The following PTGER4 variants were observed in gnomAD, a reference collection of about 807,000 sequenced individuals.
PTGER4 encodes the protein prostaglandin E receptor 4, also known as prostaglandin E2 receptor EP4 subtype.
Under a neutral mutation model 33.2 loss-of-function variants are expected in PTGER4, and 11 were observed. The observed-to-expected ratio is 0.33, with a 90% CI of 0.21 to 0.55. PTGER4 has a LOEUF of 0.55. Among genes scored for constraint, PTGER4 ranks in the 20% least tolerant of loss-of-function variants. The pLI is 0.92. For missense variants in PTGER4, 481 were observed against 650.2 expected, an observed-to-expected ratio of 0.74 and a Z score of 2.83; for synonymous variants, 275 against 281.5, an observed-to-expected ratio of 0.98 and a Z score of 0.23.
At chr5:40,702,258 G>A in the PTGER4 span, among the ~76,000 whole-genome samples, 1 of 152,124 alleles carries the variant, frequency 6.6e-6, no homozygotes, top group Non-Finnish European at 1.5e-5. Context: ...AAGACCCAAT[G>A]GTATGCTGTC....
intron 2 of PTGER4, among the ~76,000 whole-genome samples, chr5:40,688,335 T>C (rs1291447485): frequency 2.6e-5 from 4 of 152,188 alleles, no homozygotes; most frequent in African/African-American, 9.6e-5. Context: ...CACTGCCACC[T>C]GGAGGCTTGA....
In PTGER4 at chr5:40,691,968, G is replaced by A. The variant is rs764000694; in HGVS notation, c.1057G>A (p.Gly353Arg). Residue 353 changes from glycine (G) to arginine (R), a missense_variant, in exon 3 of 3, where the codon GGG becomes AGG. This residue lies in a region of PTGER4 where 172 missense variants were observed against 199.2 expected (regional missense o/e 0.86). Coordinates refer to ENST00000302472, the MANE Select transcript of PTGER4 (RefSeq NM_000958.3). The surrounding 1 kb of genome is among the most constrained non-coding windows in gnomAD (Gnocchi z 4.2). ...CAAATGCCTCTTCTGCCGCATTGGC[G>A]GGTCCCGCAGGGAGCGCTCCGGACA... ...KIKCLFCRIGGSRRERSGQHC... is the reference protein window; with the variant it reads ...KIKCLFCRIGRSRRERSGQHC... The A allele has an allele frequency of 5.6e-6, 9 of 1,614,186 alleles. No individual in the cohort carries two copies. The highest frequency in any genetic ancestry group is 1.6e-4 in the Middle Eastern group (1 of 6,062).
At chr5:40,728,869 G>A in the PTGER4 span, among the ~76,000 whole-genome samples, 23 of 152,146 alleles carry the variant, frequency 1.5e-4, no homozygotes, top group African/African-American at 4.3e-4. Context: ...CAGCCATCCC[G>A]TCCCTAATGA....
the PTGER4 span, among the ~76,000 whole-genome samples, chr5:40,738,490 AATAC>A: frequency 7.7e-3 from 1,054 of 136,546 alleles, 13 homozygotes; most frequent in African/African-American, 0.022. Flanking sequence ...AATACAATAC[AATAC>A]AATACAATAC....
At chr5:40,708,679 T>C in the PTGER4 span, among the ~76,000 whole-genome samples, 2 of 150,940 alleles carry the variant, frequency 1.3e-5, no homozygotes, top group African/African-American at 4.9e-5. Context: ...CTAACTCATT[T>C]TGTGAGGCCA....
chr5:40,707,444 A>G, the PTGER4 span, among the ~76,000 whole-genome samples: 1 of 152,248 alleles, frequency 6.6e-6, no homozygotes, highest in Non-Finnish European at 1.5e-5. Context: ...AGGCCATTAC[A>G]TAATGGTAAA....
chr5:40,689,345 A>C (rs1030492286), intron 2 of PTGER4, among the ~76,000 whole-genome samples: 2 of 152,256 alleles, frequency 1.3e-5, no homozygotes, highest in African/African-American at 4.8e-5. Flanking sequence ...AAAGAAATGC[A>C]GTTCTACCTT....
chr5:40,722,704 G>C, the PTGER4 span, among the ~76,000 whole-genome samples: 1 of 151,618 alleles, frequency 6.6e-6, no homozygotes, highest in African/African-American at 2.4e-5. Flanking sequence ...GAGCGTCTCC[G>C]CCCGGCCAGC....
chr5:40,682,801 G>A (rs1561127683), intron 2 of PTGER4, among the ~76,000 whole-genome samples: 1 of 152,222 alleles, frequency 6.6e-6, no homozygotes, highest in Non-Finnish European at 1.5e-5. Context: ...CCCAGCTCAT[G>A]TGTTATTACA....
At chr5:40,685,595 C>T in intron 2 of PTGER4, 1 of 239,460 alleles carries the variant, frequency 4.2e-6, no homozygotes, top group Non-Finnish European at 6.8e-6. Flanking sequence ...CAATTGCAGA[C>T]CCAGTAGTAG....
chr5:40,682,816 G>C (rs1487609247), intron 2 of PTGER4, among the ~76,000 whole-genome samples: 1 of 152,194 alleles, frequency 6.6e-6, no homozygotes, highest in Non-Finnish European at 1.5e-5. Context: ...ATTACATCAC[G>C]TCTCCCTCGT....
At chr5:40,728,626 A>G in the PTGER4 span, 1 of 653,060 alleles carries the variant, frequency 1.5e-6, no homozygotes, top group Non-Finnish European at 2.5e-6. Context: ...CATTCAGGGT[A>G]AGAAATTATA....
the PTGER4 span, chr5:40,715,752 C>T: frequency 6.2e-6 from 1 of 161,128 alleles, no homozygotes; most frequent in Non-Finnish European, 1.3e-5. Flanking sequence ...GTATATTTCT[C>T]AGAGGGAGGG....
the PTGER4 span, among the ~76,000 whole-genome samples, chr5:40,710,816 C>T: frequency 1.3e-5 from 2 of 152,120 alleles, no homozygotes; most frequent in African/African-American, 4.8e-5. Context: ...TCTCAGCAAA[C>T]TATCACAATG....
chr5:40,718,125 C>A, the PTGER4 span, among the ~76,000 whole-genome samples: 4 of 151,302 alleles, frequency 2.6e-5, no homozygotes, highest in African/African-American at 4.9e-5. Flanking sequence ...TTAGAGAAGT[C>A]ATAAAGAAGA....
At chr5:40,694,042 A>T (rs926348778), downstream of PTGER4, among the ~76,000 whole-genome samples, 1 of 151,772 alleles carries the variant, frequency 6.6e-6, no homozygotes, top group Non-Finnish European at 1.5e-5. Flanking sequence ...TGCCATTTTT[A>T]TTTTTATTTT....
At chr5:40,695,561 A>C (rs1001177447), downstream of PTGER4, among the ~76,000 whole-genome samples, 1 of 151,574 alleles carries the variant, frequency 6.6e-6, no homozygotes, top group Admixed American at 6.6e-5. Context: ...ATAAAAAATA[A>C]ATACAAACAT....
chr5:40,702,262 T>C, the PTGER4 span, among the ~76,000 whole-genome samples: 2 of 152,320 alleles, frequency 1.3e-5, no homozygotes, highest in South Asian at 4.1e-4. Flanking sequence ...CCCAATGGTA[T>C]GCTGTCTTCA....
rs1376896417 is a variant in PTGER4, at chr5:40,691,431, C to A, written c.868-348C>A. 6.6e-6 allele frequency among the ~76,000 whole-genome samples: 1 copy of A among 152,234 alleles called. No individual in the cohort carries two copies. The highest frequency in any genetic ancestry group is 1.9e-4 in the East Asian group (1 of 5,196). ...TCTTGACCTAGTGATCCGCCTACCT[C>A]GGCCTACCAAAATGCTGGGATTACA... On this transcript the variant is annotated intron_variant, in intron 2 of 2. Coordinates refer to ENST00000302472, the MANE Select transcript of PTGER4 (RefSeq NM_000958.3). The surrounding 1 kb of genome is among the most constrained non-coding windows in gnomAD (Gnocchi z 4.2).
Sources: gnomAD v4.1 joint callset for allele counts (sites outside exome capture counted in the v4.1 genomes callset) on GRCh38, gnomAD v4.1.1 for gene constraint, gnomAD v4.1.1 regional missense constraint, Gnocchi (gnomAD v3.1) non-coding constraint, MANE v1.5 for transcripts, NCBI Gene and HGNC (gene_info 2026-07-23, HGNC 2026-07-21) for gene names.